Variants in TK1 observed in about 807,000 individuals in gnomAD.
The protein encoded by TK1 is thymidine kinase, cytosolic.
In TK1, 13 loss-of-function variants were observed where a neutral mutation model predicts 22.4. The ratio of observed to expected loss-of-function variants is 0.58; its 90% CI spans 0.38 to 0.92. The LOEUF is 0.92. Ranked by LOEUF, TK1 falls within the 40% of genes least tolerant of loss-of-function variation. The pLI is 0.00. For missense variants in TK1, 251 were observed against 315.7 expected, an observed-to-expected ratio of 0.80 and a Z score of 1.55; for synonymous variants, 134 against 125.4, an observed-to-expected ratio of 1.07 and a Z score of -0.46.
chr17:78,179,169 G>A (rs2075721639), intron 4 of TK1: 1 of 985,408 alleles, frequency 1.0e-6, no homozygotes, highest in Non-Finnish European at 1.2e-6. Context: ...ACAACTCACA[G>A]CGGCAGGTCT....
intron 2 of TK1, 86 bp downstream of exon 2, chr17:78,186,701 A>AGGGGC: frequency 1.3e-6 from 1 of 770,876 alleles, no homozygotes; most frequent in Non-Finnish European, 1.8e-6. Context: ...AGGGGAGGGG[A>AGGGGC]GGGGAGGGAA....
At chr17:78,181,706 C>T (rs768938467) in intron 4 of TK1, among the ~76,000 whole-genome samples, 2 of 151,934 alleles carry the variant, frequency 1.3e-5, no homozygotes, top group African/African-American at 2.4e-5. Flanking sequence ...AGAAAATAAA[C>T]GTATAAGAAA....
chr17:78,175,404 T>C (rs1027749683), intron 5 of TK1, 125 bp downstream of exon 5: 7 of 1,118,600 alleles, frequency 6.3e-6, no homozygotes, highest in Non-Finnish European at 7.6e-6. Flanking sequence ...AGCCAAGGCC[T>C]GAGCAGCTCG....
In TK1 at chr17:78,185,063, T is replaced by A; in HGVS notation, c.201A>T (p.Thr67=). The change falls in exon 3 of 7, where the codon ACA becomes ACT. Residue 67 remains threonine (T), a synonymous_variant. Transcript: ENST00000301634. ...KDTRYSSSFC[T]HDRNTMEALP... is the part of the protein sequence containing the mutation. ...AGGGGGCAGGGACTGACCGGTCATG[T>A]GTGCAGAAGCTGCTGCTGTAGCGAG... The A allele has an allele frequency of 6.2e-7, 1 of 1,612,820 alleles. No individual in the cohort carries two copies. Among genetic ancestry groups the A allele is most frequent in the East Asian group, 2.2e-5 (1 of 44,868 alleles).
At chr17:78,179,302 T>G in intron 4 of TK1, 1 of 985,432 alleles carries the variant, frequency 1.0e-6, no homozygotes, top group South Asian at 4.7e-5. Flanking sequence ...AGAGAACAGC[T>G]GCAGCCCTAT....
At position 78,174,534 on chromosome 17, in the gene TK1, C is replaced by T. The variant is rs765481211; in HGVS notation, c.*225G>A. On this transcript the variant is annotated 3_prime_UTR_variant, in exon 7 of 7. Transcript: ENST00000301634. ...CAAGCGGGGCCAGCTCCAGCCTGGG[C>T]GATCGTCCCAGCAGCTGAGAGGGAA... 2.6e-5 allele frequency: 15 copies of T among 566,250 alleles called. No homozygotes were observed. The highest frequency in any genetic ancestry group is 7.6e-5 in the African/African-American group (4 of 52,370). 35.1% of individuals were successfully genotyped at this position (566,250 alleles called of 1,614,324 possible). A position where few individuals can be genotyped will look rare whatever the true frequency, so the allele number is the denominator to read the frequency against.
chr17:78,176,810 G>GT (rs1359777672), intron 4 of TK1, among the ~76,000 whole-genome samples: 1 of 152,086 alleles, frequency 6.6e-6, no homozygotes, highest in African/African-American at 2.4e-5. Context: ...GTTGGGCTGC[G>GT]TCCCTCGCCC....
chr17:78,179,312 T>C (rs999134424), intron 4 of TK1: 8 of 985,386 alleles, frequency 8.1e-6, no homozygotes, highest in Non-Finnish European at 9.6e-6. Flanking sequence ...TGCAGCCCTA[T>C]TCCCAGCCTG....
At chr17:78,183,093 T>C (rs987729982) in intron 3 of TK1, among the ~76,000 whole-genome samples, 12 of 152,124 alleles carry the variant, frequency 7.9e-5, no homozygotes, top group African/African-American at 2.7e-4. Flanking sequence ...GGTCTCAGAC[T>C]CCTAACTTTT....
intron 5 of TK1, 85 bp downstream of exon 5, chr17:78,175,444 T>C: frequency 7.4e-7 from 1 of 1,352,150 alleles, no homozygotes; most frequent in Non-Finnish European, 1.0e-6. Context: ...TGAGCCCTGG[T>C]CACCCAGAGC....
chr17:78,187,043 G>A lies in TK1; in HGVS notation c.-49C>T. On this transcript the variant is annotated 5_prime_UTR_variant, in exon 1 of 7. Coordinates refer to ENST00000301634, the MANE Select transcript of TK1 (RefSeq NM_003258.5). ...CCCGAGTACTCTCCAAGGCCGTCCC[G>A]CAGTAAGCCCCTGGTTCCCGCGCCG... 3 of 1,563,956 alleles carry A rather than the reference G, an allele frequency of 1.9e-6. No homozygotes were observed. The highest frequency in any genetic ancestry group is 2.3e-5 in the East Asian group (1 of 42,770).
chr17:78,184,884 A>G (rs545785771), intron 3 of TK1, among the ~76,000 whole-genome samples, 171 bp downstream of exon 3: 1 of 152,246 alleles, frequency 6.6e-6, no homozygotes, highest in South Asian at 2.1e-4. Flanking sequence ...CACTGGCTCC[A>G]GCCCAGGGAG....
intron 4 of TK1, chr17:78,179,748 C>A: frequency 3.0e-6 from 3 of 985,422 alleles, no homozygotes; most frequent in Non-Finnish European, 3.6e-6. Flanking sequence ...CAAACCAACT[C>A]ATTTATTCTT....
intron 4 of TK1, among the ~76,000 whole-genome samples, chr17:78,181,778 A>G: frequency 6.6e-6 from 1 of 150,954 alleles, no homozygotes; most frequent in Admixed American, 6.6e-5. Context: ...TTTTTTTTTG[A>G]GACAGGGTCT....
intron 3 of TK1, 59 bp downstream of exon 3, chr17:78,184,996 A>C (rs2075770706): frequency 7.8e-7 from 1 of 1,280,616 alleles, no homozygotes; most frequent in Non-Finnish European, 1.1e-6. Context: ...GAGTCCTAAC[A>C]GTGTGTCCTG....
chr17:78,178,072 T>C (rs1303957322), intron 4 of TK1, among the ~76,000 whole-genome samples: 2 of 152,160 alleles, frequency 1.3e-5, no homozygotes, highest in African/African-American at 4.8e-5. Context: ...GGTTTCACCA[T>C]GTTGGCCTGG....
intron 4 of TK1, among the ~76,000 whole-genome samples, chr17:78,181,802 G>A (rs1036453741): frequency 2.0e-5 from 3 of 151,548 alleles, no homozygotes; most frequent in Non-Finnish European, 4.4e-5. Context: ...CTTGTCGCCC[G>A]GGCTGGAGTG....
intron 3 of TK1, among the ~76,000 whole-genome samples, chr17:78,183,322 A>G (rs1462548413): frequency 6.6e-6 from 1 of 152,226 alleles, no homozygotes; most frequent in Non-Finnish European, 1.5e-5. Context: ...TCCTTTTAAA[A>G]TTCAGAAGAA....
At chr17:78,178,160 C>T (rs549371313) in intron 4 of TK1, among the ~76,000 whole-genome samples, 120 of 152,194 alleles carry the variant, frequency 7.9e-4, no homozygotes, top group African/African-American at 2.8e-3. Context: ...TGTGAGCCAC[C>T]GTGCCCAGCC....
Sources: allele counts gnomAD v4.1 joint callset (sites outside exome capture counted in the v4.1 genomes callset), GRCh38; gene constraint gnomAD v4.1.1; transcripts MANE v1.5; gene names NCBI Gene and HGNC (gene_info 2026-07-23, HGNC 2026-07-21).